HMGCLL1: variants seen among roughly 807,000 people sequenced by gnomAD.
HMGCLL1 encodes 3-hydroxy-3-methylglutaryl-CoA lyase like 1.
A neutral mutation model predicts 39.1 loss-of-function variants in HMGCLL1; 36 were observed. The observed-to-expected ratio is 0.92, with a 90% CI of 0.71 to 1.22. The LOEUF (loss-of-function observed/expected upper bound fraction) is 1.22, where lower values mean the gene tolerates loss of function less well. Ranked by LOEUF, HMGCLL1 falls within the 50% of genes most tolerant of loss-of-function variation. The probability of loss-of-function intolerance (pLI) is 0.00; values close to 1 mark genes in which losing one functional copy is unlikely to be tolerated. For synonymous variants in HMGCLL1, 149 were observed against 144.0 expected, an observed-to-expected ratio of 1.03 and a Z score of -0.25; for missense variants, 451 against 416.5, an observed-to-expected ratio of 1.08 and a Z score of -0.72.
the HMGCLL1 span, among the ~76,000 whole-genome samples, chr6:55,589,958 G>A: frequency 2.6e-5 from 4 of 152,010 alleles, no homozygotes; most frequent in South Asian, 2.1e-4. Context: ...AATCAATATC[G>A]TGAAAATGGC....
chr6:55,574,931 A>G (rs1227931715), intron 1 of HMGCLL1, among the ~76,000 whole-genome samples: 2 of 152,018 alleles, frequency 1.3e-5, no homozygotes, highest in Non-Finnish European at 2.9e-5. Context: ...CACATAATCT[A>G]CTACTTTATT....
At chr6:55,644,060 A>C in the HMGCLL1 span, among the ~76,000 whole-genome samples, 1 of 151,970 alleles carries the variant, frequency 6.6e-6, no homozygotes, top group African/African-American at 2.4e-5. Context: ...CATCCTCACC[A>C]GGGCTTACTA....
the HMGCLL1 span, among the ~76,000 whole-genome samples, chr6:55,621,322 C>A: frequency 1.3e-5 from 2 of 151,962 alleles, no homozygotes; most frequent in Non-Finnish European, 2.9e-5. Flanking sequence ...AGTAGGGGCT[C>A]CCCAAACCCT....
chr6:55,644,996 C>G, the HMGCLL1 span, among the ~76,000 whole-genome samples: 62,071 of 151,778 alleles, frequency 0.41, 13,307 homozygotes, highest in Middle Eastern at 0.56. Flanking sequence ...CTAGTATGGA[C>G]ATTTTAACAA....
the HMGCLL1 span, among the ~76,000 whole-genome samples, chr6:55,627,276 C>A: frequency 1.3e-5 from 2 of 151,860 alleles, no homozygotes; most frequent in African/African-American, 4.8e-5. Flanking sequence ...CATTTTATTT[C>A]TTTTTTCCTT....
chr6:55,638,947 T>A, the HMGCLL1 span, among the ~76,000 whole-genome samples: 2 of 152,134 alleles, frequency 1.3e-5, no homozygotes, highest in South Asian at 4.1e-4. Flanking sequence ...TAAATCTATG[T>A]GTCCTAGCAG....
At chr6:55,644,902 T>G in the HMGCLL1 span, among the ~76,000 whole-genome samples, 27 of 152,012 alleles carry the variant, frequency 1.8e-4, no homozygotes, top group African/African-American at 6.5e-4. Context: ...ACTCCACATA[T>G]GTTTTAACAT....
chr6:55,618,794 A>G, the HMGCLL1 span, among the ~76,000 whole-genome samples: 3 of 152,292 alleles, frequency 2.0e-5, no homozygotes, highest in African/African-American at 7.2e-5. Flanking sequence ...AAAGCTAAAA[A>G]TCATTGAAAG....
At chr6:55,462,632 ATTAGAC>A (rs1244330547) in intron 7 of HMGCLL1, among the ~76,000 whole-genome samples, 1 of 152,230 alleles carries the variant, frequency 6.6e-6, no homozygotes, top group Non-Finnish European at 1.5e-5. Flanking sequence ...GCAAATAATT[ATTAGAC>A]TTAGAGCATT....
intron 7 of HMGCLL1, among the ~76,000 whole-genome samples, chr6:55,445,054 C>A (rs116098831): frequency 0.017 from 2,598 of 151,890 alleles, 67 homozygotes; most frequent in African/African-American, 0.058. Context: ...AAAGTTTAAG[C>A]AATTTTAAAG....
chr6:55,473,886 GT>G (rs1765161115), intron 7 of HMGCLL1, among the ~76,000 whole-genome samples: 1 of 151,298 alleles, frequency 6.6e-6, no homozygotes, highest in South Asian at 2.1e-4. Context: ...AGAATCCTAG[GT>G]TCTACACTGG....
intron 7 of HMGCLL1, among the ~76,000 whole-genome samples, chr6:55,457,256 A>G (rs1764364760): frequency 6.6e-6 from 1 of 152,192 alleles, no homozygotes; most frequent in African/African-American, 2.4e-5. Flanking sequence ...ATCCTCTTCT[A>G]AGTATTTTAG....
At chr6:55,575,669 G>A (rs1449900603) in intron 1 of HMGCLL1, among the ~76,000 whole-genome samples, 3 of 152,128 alleles carry the variant, frequency 2.0e-5, no homozygotes, top group Non-Finnish European at 4.4e-5. Context: ...CAACAATAGA[G>A]AATTAGTTAA....
intron 1 of HMGCLL1, among the ~76,000 whole-genome samples, chr6:55,555,342 AC>A (rs990547815): frequency 6.6e-6 from 1 of 151,928 alleles, no homozygotes; most frequent in African/African-American, 2.4e-5. Context: ...CAAAAAGTCA[AC>A]AACAACAACA....
At chr6:55,448,238 A>G (rs1248649285) in intron 7 of HMGCLL1, among the ~76,000 whole-genome samples, 1 of 151,764 alleles carries the variant, frequency 6.6e-6, no homozygotes, top group Admixed American at 6.6e-5. Context: ...AATGTTGAAA[A>G]ATAGAGACAG....
At chr6:55,594,329 G>A in the HMGCLL1 span, among the ~76,000 whole-genome samples, 1 of 151,990 alleles carries the variant, frequency 6.6e-6, no homozygotes, top group Non-Finnish European at 1.5e-5. Flanking sequence ...CCTGGTTCAG[G>A]TCTAGTTTAC....
At chr6:55,473,205 C>A (rs1326108546) in intron 7 of HMGCLL1, among the ~76,000 whole-genome samples, 1 of 151,166 alleles carries the variant, frequency 6.6e-6, no homozygotes, top group Non-Finnish European at 1.5e-5. Flanking sequence ...CCGCTGGCAA[C>A]CTCTGTCTTC....
At chr6:55,501,182 T>C (rs1283210812) in intron 5 of HMGCLL1, among the ~76,000 whole-genome samples, 3 of 151,914 alleles carry the variant, frequency 2.0e-5, no homozygotes, top group African/African-American at 7.2e-5. Flanking sequence ...TAGTCACGCA[T>C]GCGGCTACTT....
At chr6:55,628,367 C>G in the HMGCLL1 span, among the ~76,000 whole-genome samples, 3 of 148,864 alleles carry the variant, frequency 2.0e-5, no homozygotes, top group Non-Finnish European at 4.4e-5. Context: ...AGTGGCACAA[C>G]TTGGGCTCAC....
Sources: gnomAD v4.1 joint callset for allele counts (sites outside exome capture counted in the v4.1 genomes callset) on GRCh38, gnomAD v4.1.1 for gene constraint, MANE v1.5 for transcripts, NCBI Gene and HGNC (gene_info 2026-07-23, HGNC 2026-07-21) for gene names.